Variants in FBXO38 observed in about 807,000 individuals in gnomAD.
The protein encoded by FBXO38 is F-box only protein 38.
Under a neutral mutation model 131.9 loss-of-function variants are expected in FBXO38, and 53 were observed. The observed-to-expected ratio is 0.40, with a 90% CI of 0.32 to 0.51. The LOEUF is 0.51. Ranked by LOEUF, FBXO38 falls within the 20% of genes least tolerant of loss-of-function variation. FBXO38 has a pLI of 0.53. For synonymous variants in FBXO38, 452 were observed against 505.6 expected (o/e 0.89, Z 1.42); for missense variants, 1,076 against 1,475.6 (o/e 0.73, Z 4.44).
At chr5:148,390,651 A>G (rs1440746636) in intron 1 of FBXO38, among the ~76,000 whole-genome samples, 2 of 152,206 alleles carry the variant, frequency 1.3e-5, no homozygotes, top group African/African-American at 4.8e-5. Context: ...CCTCAGTATA[A>G]TATTGTATAA....
At chr5:148,438,520 C>A in intron 18 of FBXO38, 22 bp downstream of exon 18, 1 of 1,602,440 alleles carries the variant, frequency 6.2e-7, no homozygotes, top group Middle Eastern at 1.7e-4. Flanking sequence ...TGCTTCTTTC[C>A]GATGATACAC....
At chr5:148,437,685 C>T (rs1343434451) in intron 17 of FBXO38, among the ~76,000 whole-genome samples, 1 of 152,172 alleles carries the variant, frequency 6.6e-6, no homozygotes, top group East Asian at 1.9e-4. Context: ...TATACTAGTT[C>T]AGTTAAATGT....
chr5:148,388,641 T>G (rs1486290083), intron 1 of FBXO38, among the ~76,000 whole-genome samples: 1 of 152,234 alleles, frequency 6.6e-6, no homozygotes, highest in Non-Finnish European at 1.5e-5. Flanking sequence ...CTTTCAACTT[T>G]TCTTCTAAAA....
intron 9 of FBXO38, among the ~76,000 whole-genome samples, chr5:148,412,315 C>T (rs1024103882): frequency 6.6e-5 from 10 of 152,076 alleles, no homozygotes; most frequent in East Asian, 1.9e-4. Context: ...TTGTTATGGA[C>T]GATATCATGA....
intron 15 of FBXO38, among the ~76,000 whole-genome samples, chr5:148,428,377 C>T (rs1244056380): frequency 6.6e-6 from 1 of 152,328 alleles, no homozygotes; most frequent in East Asian, 1.9e-4. Flanking sequence ...ACCCCTCTTT[C>T]TGTCTCTGCA....
intron 9 of FBXO38, chr5:148,410,975 T>G: frequency 2.0e-6 from 1 of 501,788 alleles, no homozygotes; most frequent in African/African-American, 2.0e-5. Flanking sequence ...TTATAGAAAA[T>G]ATAGTTACTA....
chr5:148,412,755 T>C (rs751614701), intron 9 of FBXO38, among the ~76,000 whole-genome samples: 4 of 152,108 alleles, frequency 2.6e-5, no homozygotes, highest in Non-Finnish European at 5.9e-5. Flanking sequence ...GCTTTTCTCT[T>C]GGGTAGCTCT....
chr5:148,395,897 A>T (rs1001147525), intron 2 of FBXO38, among the ~76,000 whole-genome samples: 1 of 152,134 alleles, frequency 6.6e-6, no homozygotes, highest in Admixed American at 6.6e-5. Flanking sequence ...GTTGCAATAA[A>T]CTTCTCTAAG....
chr5:148,393,188 G>GGT (rs60593654), intron 1 of FBXO38, among the ~76,000 whole-genome samples: 13,562 of 126,834 alleles, frequency 0.11, 756 homozygotes, highest in East Asian at 0.15. Flanking sequence ...ACAGAAGAGG[G>GGT]GTGTGTGTGT....
chr5:148,402,244 A>G (rs2113532632), intron 4 of FBXO38, 99 bp downstream of exon 4: 1 of 1,544,390 alleles, frequency 6.5e-7, no homozygotes, highest in East Asian at 2.3e-5. Context: ...CTCATCTGTC[A>G]CAAACTTTTA....
chr5:148,441,992 A>G lies in FBXO38; in HGVS notation c.3412A>G (p.Lys1138Glu). 4 of 1,613,542 alleles carry G rather than the reference A, an allele frequency of 2.5e-6. No homozygotes were observed. Among genetic ancestry groups the G allele is most frequent in the Non-Finnish European group, 3.4e-6 (4 of 1,179,656 alleles). The change falls in exon 22 of 22, where the codon AAA becomes GAA. Residue 1138 changes from lysine (K) to glutamate (E), a missense_variant. Physicochemically the swap from Lys to Glu is moderately conservative, Grantham distance 56. Around this residue, in one of 8 missense-constraint regions of FBXO38, gnomAD observed 282 missense variants for 418.8 expected, o/e 0.67. Transcript: ENST00000340253. ...AGGCACTATCTATGCTCCTAGAAGG[A>G]AAGGACAGCTGTCTGCAGACATCTG... ...EESTIYAPRR[K>E]GQLSADICME... is the part of the protein sequence containing the mutation.
intron 12 of FBXO38, among the ~76,000 whole-genome samples, chr5:148,418,940 T>C (rs1401004722): frequency 6.6e-6 from 1 of 152,212 alleles, no homozygotes; most frequent in Non-Finnish European, 1.5e-5. Flanking sequence ...ACTTACATCT[T>C]AATTTGATTT....
rs886425647 is a variant in FBXO38 at position 148,440,543 on chromosome 5, T to C, written c.3274+16T>C. On this transcript the variant is annotated intron_variant, in intron 20 of 21. Coordinates refer to ENST00000340253, the MANE Select transcript of FBXO38 (RefSeq NM_205836.3). The stretch of plus-strand genomic sequence containing the variant: ...ACTTTAGAAGGTGAGTATTTACAAA[T>C]GTTTAGAAAGTTAAATAGCCTGTGC... The C allele has an allele frequency of 7.3e-6, 11 of 1,505,452 alleles. No homozygotes were observed. Among genetic ancestry groups the C allele is most frequent in the Admixed American group, 1.7e-5 (1 of 58,672 alleles). The allele number at this position is 1,505,452 out of a possible 1,614,324, so 93.3% of individuals were successfully genotyped here.
chr5:148,440,492 A>G lies in FBXO38; in HGVS notation c.3239A>G (p.Lys1080Arg). The G allele has an allele frequency of 1.2e-6, 2 of 1,610,896 alleles. No homozygotes were observed. The highest frequency in any genetic ancestry group is 1.1e-5 in the South Asian group (1 of 90,994). ...GAAGAAGACTTAAAGAAATACCCCA[A>G]GTACCCCTGGGGGAGAGAAATCTAT... ...RSEEDLKKYP[K>R]YPWGREIYTL... Residue 1080 changes from lysine (K) to arginine (R), a missense_variant, in exon 20 of 22, where the codon AAG becomes AGG. Around this residue, in one of 8 missense-constraint regions of FBXO38, gnomAD observed 282 missense variants for 418.8 expected, o/e 0.67. Transcript: ENST00000340253.
chr5:148,415,960 A>C lies in FBXO38; in HGVS notation c.1297A>C (p.Asn433His). The C allele has an allele frequency of 7.4e-6, 12 of 1,613,672 alleles. No homozygotes were observed. Among genetic ancestry groups the C allele is most frequent in the Non-Finnish European group, 1.0e-5 (12 of 1,179,690 alleles). Residue 433 changes from asparagine to histidine, a missense_variant, in exon 11 of 22, where the codon AAC becomes CAC. Transcript: ENST00000340253. ...HSRWTRLVDINLVRCHALKLD... is the reference protein window; with the variant it reads ...HSRWTRLVDIHLVRCHALKLD... ...AAGATGGACTCGATTGGTTGATATCAACCTAGTACGGTGCCATGCTTTGAA... is the reference window on the plus strand; with the variant it reads ...AAGATGGACTCGATTGGTTGATATCCACCTAGTACGGTGCCATGCTTTGAA...
At chr5:148,441,274 T>G in intron 21 of FBXO38, 37 bp downstream of exon 21, 1 of 1,423,604 alleles carries the variant, frequency 7.0e-7, no homozygotes, top group Non-Finnish European at 9.9e-7. Context: ...TTCTCTAGTT[T>G]AAGTATAGCC....
intron 7 of FBXO38, 85 bp from the exon 8 acceptor site, chr5:148,409,039 C>T: frequency 4.2e-6 from 3 of 710,160 alleles, no homozygotes; most frequent in South Asian, 3.5e-5. Context: ...ATTATCATCT[C>T]AGATAATACT....
chr5:148,414,684 T>TA (rs1265697952), intron 10 of FBXO38, among the ~76,000 whole-genome samples: 1 of 152,150 alleles, frequency 6.6e-6, no homozygotes, highest in Non-Finnish European at 1.5e-5. Flanking sequence ...ACAAAGTAGG[T>TA]ATGTATGTTG....
Position 148,438,376 on chromosome 5 carries a change from C to A in FBXO38, c.2902C>A (p.Pro968Thr). The part of the protein sequence containing the change: ...VLKHLKVENA[P>T]IVNRFDYAQC... ...AAAACATTTAAAGGTAGAAAATGCA[C>A]CAATTGTAAACCGATTTGACTATGC... The change falls in exon 18 of 22, where the codon CCA becomes ACA. Residue 968 changes from proline (P) to threonine (T), a missense_variant. Around this residue, in one of 8 missense-constraint regions of FBXO38, gnomAD observed 282 missense variants for 418.8 expected, o/e 0.67. Transcript: ENST00000340253. 1 of 1,613,870 alleles carries A rather than the reference C, an allele frequency of 6.2e-7. No homozygotes were observed. Among genetic ancestry groups the A allele is most frequent in the Non-Finnish European group, 8.5e-7 (1 of 1,179,864 alleles).
Sources: allele counts gnomAD v4.1 joint callset (sites outside exome capture counted in the v4.1 genomes callset), GRCh38; gene constraint gnomAD v4.1.1; regional missense constraint gnomAD v4.1.1; transcripts MANE v1.5; gene names NCBI Gene and HGNC (gene_info 2026-07-23, HGNC 2026-07-21).